CDC42BPA: variants seen among roughly 807,000 people sequenced by gnomAD.
The protein encoded by CDC42BPA is serine/threonine-protein kinase MRCK alpha.
CDC42BPA carries 80 observed loss-of-function variants against 223.5 expected under a neutral mutation model. That is an observed-to-expected ratio of 0.36 (90% CI 0.30 to 0.43). The LOEUF (loss-of-function observed/expected upper bound fraction) is 0.43, where lower values mean the gene tolerates loss of function less well. CDC42BPA is among the 20% of genes least tolerant of loss of function. CDC42BPA has a pLI of 1.00. For missense variants in CDC42BPA, 1,743 were observed against 2,099.9 expected (o/e 0.83, Z 3.32); for synonymous variants, 694 against 718.6 (o/e 0.97, Z 0.55).
chr1:227,279,708 TAC>T (rs1240255440), intron 1 of CDC42BPA, among the ~76,000 whole-genome samples: 5 of 152,168 alleles, frequency 3.3e-5, no homozygotes, highest in Non-Finnish European at 5.9e-5. Flanking sequence ...TTTGTGGAGA[TAC>T]AGTTTTTTGC....
chr1:227,080,149 C>A (rs1680338529), intron 17 of CDC42BPA, among the ~76,000 whole-genome samples: 1 of 152,050 alleles, frequency 6.6e-6, no homozygotes, highest in Non-Finnish European at 1.5e-5. Flanking sequence ...TAGGAATGCT[C>A]AACCTGTATT....
intron 2 of CDC42BPA, among the ~76,000 whole-genome samples, chr1:227,241,613 A>G (rs1344834020): frequency 3.3e-5 from 5 of 152,134 alleles, no homozygotes; most frequent in African/African-American, 4.8e-5. Flanking sequence ...TGAAATTTTC[A>G]AACAGTCAAA....
chr1:227,124,687 C>T (rs1689233694), intron 11 of CDC42BPA, among the ~76,000 whole-genome samples: 2 of 151,938 alleles, frequency 1.3e-5, no homozygotes, highest in South Asian at 2.1e-4. Context: ...AGACAAAGCT[C>T]GAGAGGCAAA....
At chr1:227,292,358 C>A (rs922118261) in intron 1 of CDC42BPA, among the ~76,000 whole-genome samples, 1 of 152,060 alleles carries the variant, frequency 6.6e-6, no homozygotes, top group Non-Finnish European at 1.5e-5. Context: ...AAATGAAAAC[C>A]ACATTTCACT....
chr1:227,289,146 C>T (rs535486986), intron 1 of CDC42BPA, among the ~76,000 whole-genome samples: 10 of 152,308 alleles, frequency 6.6e-5, no homozygotes, highest in African/African-American at 2.2e-4. Flanking sequence ...ATTTTATTCA[C>T]ATGACAACCA....
intron 4 of CDC42BPA, 78 bp downstream of exon 4, chr1:227,199,479 T>G: frequency 1.2e-6 from 1 of 862,194 alleles, no homozygotes; most frequent in Non-Finnish European, 1.9e-6. Flanking sequence ...AACCTACATT[T>G]AAACAATGCT....
At position 227,222,707 on chromosome 1, in the gene CDC42BPA, A is replaced by G. The variant is rs189139646; in HGVS notation, c.271-9488T>C. Among the ~76,000 whole-genome samples the G allele has an allele frequency of 4.6e-3, 701 of 152,264 alleles. 4 individuals are homozygous for G. The highest frequency in any genetic ancestry group is 0.016 in the African/African-American group (672 of 41,560). ...TAGATCATACCCTTTTTCTTCTCCA[A>G]TCACATTTCTACACAGCTGTCTATA... On this transcript the variant is annotated intron_variant, in intron 2 of 36. Coordinates refer to ENST00000366766, the MANE Select transcript of CDC42BPA (RefSeq NM_001394014.1).
intron 12 of CDC42BPA, among the ~76,000 whole-genome samples, chr1:227,115,598 A>G (rs190921670): frequency 2.0e-3 from 297 of 152,196 alleles, no homozygotes; most frequent in Middle Eastern, 3.4e-3. Context: ...AACACGAACT[A>G]TTTTCAAGAA....
At chr1:227,273,100 C>T (rs532319520) in intron 1 of CDC42BPA, among the ~76,000 whole-genome samples, 1 of 152,188 alleles carries the variant, frequency 6.6e-6, no homozygotes, top group East Asian at 1.9e-4. Context: ...GAGTTTGAGA[C>T]CAGCCTGGCA....
intron 12 of CDC42BPA, among the ~76,000 whole-genome samples, chr1:227,115,656 G>C (rs1687654479): frequency 6.6e-6 from 1 of 152,074 alleles, no homozygotes; most frequent in Non-Finnish European, 1.5e-5. Flanking sequence ...CATGAAGCAA[G>C]TCTCAGTAGA....
chr1:227,037,589 G>A (rs1370687909), intron 24 of CDC42BPA, among the ~76,000 whole-genome samples: 1 of 152,152 alleles, frequency 6.6e-6, no homozygotes, highest in Admixed American at 6.5e-5. Context: ...CTAACTACAA[G>A]TCTATTATAA....
intron 1 of CDC42BPA, among the ~76,000 whole-genome samples, chr1:227,313,769 A>T (rs1268612056): frequency 6.6e-6 from 1 of 152,152 alleles, no homozygotes; most frequent in Non-Finnish European, 1.5e-5. Context: ...AAAAAAAGTG[A>T]ACAGCTTTAA....
rs71574595 is a variant in CDC42BPA, at chr1:227,082,714, CAAAAAAAAAAAA to C, written c.2356-1709_2356-1698del. 3.7e-3 allele frequency among the ~76,000 whole-genome samples: 219 copies of C among 59,534 alleles called. 5 individuals are homozygous for C. In the East Asian group the frequency reaches 0.07, roughly 19 times the overall value. 39.1% of individuals were successfully genotyped at this position (59,534 alleles called of 152,430 possible). On this transcript the variant is annotated intron_variant, in intron 16 of 36. Coordinates refer to ENST00000366766, the MANE Select transcript of CDC42BPA (RefSeq NM_001394014.1). Reference sequence around the variant, plus strand: ...TGGGTGACAGAATGAGACTCTGTCTCAAAAAAAAAAAAAAAAAAAAAAAAAAAGAATGTAGGT... The same window carrying C: ...TGGGTGACAGAATGAGACTCTGTCTCAAAAAAAAAAAAAAAGAATGTAGGT...
chr1:227,177,718 G>A (rs770047759), intron 5 of CDC42BPA, among the ~76,000 whole-genome samples: 3 of 152,016 alleles, frequency 2.0e-5, no homozygotes, highest in Non-Finnish European at 4.4e-5. Context: ...TCCAAACATG[G>A]GAAGTTTGGA....
chr1:227,079,922 C>G (rs902642346), intron 17 of CDC42BPA, among the ~76,000 whole-genome samples: 4 of 146,340 alleles, frequency 2.7e-5, no homozygotes, highest in African/African-American at 1.0e-4. Context: ...GGGATGGGAC[C>G]CAAGACAAAA....
At chr1:227,148,568 C>T (rs1661100275) in intron 6 of CDC42BPA, among the ~76,000 whole-genome samples, 1 of 151,846 alleles carries the variant, frequency 6.6e-6, no homozygotes, top group Non-Finnish European at 1.5e-5. Context: ...GCTAGACAAA[C>T]ACCCTGTCTA....
At chr1:227,197,899 A>G (rs963802818) in intron 4 of CDC42BPA, among the ~76,000 whole-genome samples, 2 of 152,154 alleles carry the variant, frequency 1.3e-5, no homozygotes, top group South Asian at 4.1e-4. Flanking sequence ...TGATACATTC[A>G]TCCCTAAAAT....
At chr1:227,107,196 T>C (rs1686085240) in intron 14 of CDC42BPA, among the ~76,000 whole-genome samples, 1 of 152,238 alleles carries the variant, frequency 6.6e-6, no homozygotes, top group South Asian at 2.1e-4. Flanking sequence ...GAGATGTCTT[T>C]CCATTTATTT....
At chr1:227,131,882 G>C (rs929156866) in intron 10 of CDC42BPA, among the ~76,000 whole-genome samples, 1 of 152,164 alleles carries the variant, frequency 6.6e-6, no homozygotes, top group Non-Finnish European at 1.5e-5. Context: ...ATAACCATCA[G>C]ATTAACTGGC....
Sources: allele counts gnomAD v4.1 joint callset (sites outside exome capture counted in the v4.1 genomes callset), GRCh38; gene constraint gnomAD v4.1.1; transcripts MANE v1.5; gene names NCBI Gene and HGNC (gene_info 2026-07-23, HGNC 2026-07-21).